UGGT2: variants seen among roughly 807,000 people sequenced by gnomAD.
UGGT2 encodes UDP-glucose:glycoprotein glucosyltransferase 2.
Under a neutral mutation model 192.1 loss-of-function variants are expected in UGGT2, and 180 were observed. The observed-to-expected ratio is 0.94, with a 90% CI of 0.83 to 1.06. The LOEUF (loss-of-function observed/expected upper bound fraction) is 1.06. Among genes scored for constraint, UGGT2 ranks in the 50% least tolerant of loss-of-function variants. The pLI, the probability that UGGT2 is intolerant of heterozygous loss-of-function variation, is 0.00. For synonymous variants in UGGT2, 580 were observed against 591.0 expected (o/e 0.98, Z 0.27); for missense variants, 1,849 against 1,795.7 (o/e 1.03, Z -0.54).
chr13:95,916,693 T>G (rs2048691184), intron 20 of UGGT2, among the ~76,000 whole-genome samples: 1 of 151,246 alleles, frequency 6.6e-6, no homozygotes, highest in Admixed American at 6.6e-5. Flanking sequence ...AACAATCAGT[T>G]TAGAGAGGAA....
chr13:95,856,111 G>C (rs1889584636), intron 34 of UGGT2, 47 bp downstream of exon 34: 1 of 1,436,976 alleles, frequency 7.0e-7, no homozygotes, highest in African/African-American at 1.4e-5. Flanking sequence ...AGATAGAAGT[G>C]TAAAAAATGT....
intron 7 of UGGT2, chr13:95,991,033 T>A (rs749485660): frequency 6.6e-5 from 10 of 152,440 alleles, no homozygotes; most frequent in Non-Finnish European, 1.5e-4. Flanking sequence ...TTCATCCATG[T>A]CCCTGCAAAG....
Position 96,053,361 on chromosome 13 carries a change from G to C in UGGT2, c.-49C>G, listed in dbSNP as rs750152550. 1.6e-5 allele frequency: 25 copies of C among 1,550,256 alleles called. No individual in the cohort carries two copies. Among genetic ancestry groups the C allele is most frequent in the Non-Finnish European group, 2.0e-5 (23 of 1,159,416 alleles). ...CCCTCGGACCCGGTACCCACAGTCT[G>C]TGGCCGCCACGCTTCGGCCGGCTCT... On this transcript the variant is annotated 5_prime_UTR_variant, in exon 1 of 39. Coordinates refer to ENST00000376747, the MANE Select transcript of UGGT2 (RefSeq NM_020121.4).
chr13:96,026,656 CTTCTT>C (rs1287655853), intron 2 of UGGT2, among the ~76,000 whole-genome samples: 1 of 140,440 alleles, frequency 7.1e-6, no homozygotes, highest in Non-Finnish European at 1.5e-5. Context: ...CTCTTTCACT[CTTCTT>C]TTTTTTTTTT....
chr13:95,975,706 G>A (rs1254973653), intron 10 of UGGT2, among the ~76,000 whole-genome samples: 4 of 152,058 alleles, frequency 2.6e-5, no homozygotes, highest in Non-Finnish European at 5.9e-5. Context: ...CAATTGATTG[G>A]ATCTCAGAAG....
chr13:95,959,244 C>CTG (rs151321307), intron 12 of UGGT2, among the ~76,000 whole-genome samples: 7 of 152,078 alleles, frequency 4.6e-5, no homozygotes, highest in African/African-American at 1.7e-4. Context: ...TTGCTGCAAA[C>CTG]TGTGTGTGTG....
At chr13:95,945,174 T>C (rs1196067155) in intron 15 of UGGT2, among the ~76,000 whole-genome samples, 1 of 152,064 alleles carries the variant, frequency 6.6e-6, no homozygotes, top group Non-Finnish European at 1.5e-5. Context: ...CTATTTGTTA[T>C]CACATTTCAA....
chr13:95,985,203 A>C (rs2051251332), intron 9 of UGGT2: 1 of 1,016,580 alleles, frequency 9.8e-7, no homozygotes, highest in Non-Finnish European at 1.3e-6. Flanking sequence ...ATTAATTAAA[A>C]TATTATGGCT....
At chr13:96,018,943 A>T (rs980059525) in intron 4 of UGGT2, among the ~76,000 whole-genome samples, 1 of 151,700 alleles carries the variant, frequency 6.6e-6, no homozygotes, top group Non-Finnish European at 1.5e-5. Context: ...ACATATCTAC[A>T]GAGAGGAAAA....
chr13:95,813,265 G>A (rs986754510), intron 38 of UGGT2, among the ~76,000 whole-genome samples: 4 of 152,270 alleles, frequency 2.6e-5, no homozygotes, highest in South Asian at 2.1e-4. Flanking sequence ...GTTAATGGTC[G>A]TGACCAAAAT....
At chr13:95,952,299 C>T (rs1197036215) in intron 12 of UGGT2, among the ~76,000 whole-genome samples, 1 of 152,020 alleles carries the variant, frequency 6.6e-6, no homozygotes. Flanking sequence ...TGTGGTCATT[C>T]TGATACTGAT....
At chr13:96,011,648 C>T (rs563318413) in intron 5 of UGGT2, among the ~76,000 whole-genome samples, 4 of 152,098 alleles carry the variant, frequency 2.6e-5, no homozygotes, top group Admixed American at 2.6e-4. Context: ...ACTTACCATA[C>T]AACTCAGCAA....
chr13:95,964,354 T>C (rs770995750), intron 12 of UGGT2, among the ~76,000 whole-genome samples: 1 of 151,998 alleles, frequency 6.6e-6, no homozygotes, highest in Non-Finnish European at 1.5e-5. Context: ...CCCCAAAGTA[T>C]AAAACTACTA....
At chr13:95,940,572 C>T (rs2049641068) in intron 15 of UGGT2, among the ~76,000 whole-genome samples, 1 of 151,556 alleles carries the variant, frequency 6.6e-6, no homozygotes, top group East Asian at 1.9e-4. Flanking sequence ...CCCACCTAGC[C>T]CCCTGGGTAG....
At chr13:95,863,836 C>T in intron 30 of UGGT2, 122 bp from the exon 31 acceptor site, 1 of 747,166 alleles carries the variant, frequency 1.3e-6, no homozygotes, top group Non-Finnish European at 2.3e-6. Flanking sequence ...GTTGCAGTAA[C>T]CAAAGACAGG....
intron 15 of UGGT2, 140 bp from the exon 16 acceptor site, chr13:95,940,231 AT>A: frequency 2.0e-6 from 1 of 506,256 alleles, no homozygotes; most frequent in Non-Finnish European, 3.1e-6. Flanking sequence ...CATAAAAATA[AT>A]TTTAACCATA....
intron 2 of UGGT2, among the ~76,000 whole-genome samples, chr13:96,028,611 G>GTAATAAAAAAATA (rs1256528356): frequency 6.6e-6 from 1 of 152,170 alleles, no homozygotes; most frequent in Non-Finnish European, 1.5e-5. Context: ...TGCTTAAAAA[G>GTAATAAAAAAATA]TCTTAATTTG....
chr13:95,972,688 G>C lies in UGGT2; in HGVS notation c.1093-17C>G, dbSNP rs1304388911. 6.3e-7 allele frequency: 1 copy of C among 1,589,216 alleles called. No homozygotes were observed. Among genetic ancestry groups the C allele is most frequent in the Middle Eastern group, 1.7e-4 (1 of 6,000 alleles). ...TTGAAGATCCTTGAAGTAGAGCAAA[G>C]CAATAGTTAACCAGTGATAGAACAA... On this transcript the variant is annotated splice_polypyrimidine_tract_variant and intron_variant, in intron 10 of 38. Transcript: ENST00000376747.
At chr13:95,894,240 T>C (rs918101999) in intron 24 of UGGT2, among the ~76,000 whole-genome samples, 11 of 152,200 alleles carry the variant, frequency 7.2e-5, no homozygotes, top group Non-Finnish European at 1.0e-4. Context: ...ATTGAAAATA[T>C]AAAGATAATA....
Sources: gnomAD v4.1 joint callset for allele counts (sites outside exome capture counted in the v4.1 genomes callset) on GRCh38, gnomAD v4.1.1 for gene constraint, MANE v1.5 for transcripts, NCBI Gene and HGNC (gene_info 2026-07-23, HGNC 2026-07-21) for gene names.